Variants in GET4 observed in about 807,000 individuals in gnomAD.
The protein encoded by GET4 is Golgi to ER traffic protein 4 homolog.
In GET4, 20 loss-of-function variants were observed where a neutral mutation model predicts 40.0. The observed-to-expected ratio is 0.50, with a 90% CI of 0.35 to 0.73. GET4 has a LOEUF of 0.73. Among genes scored for constraint, GET4 ranks in the 30% least tolerant of loss-of-function variants. GET4 has a pLI of 0.01. For synonymous variants in GET4, 280 were observed against 194.6 expected (o/e 1.44, Z -3.65); for missense variants, 557 against 454.0 (o/e 1.23, Z -2.06).
chr7:876,977 C>A (rs1168638752), intron 1 of GET4, among the ~76,000 whole-genome samples, 177 bp downstream of exon 1: 2 of 151,778 alleles, frequency 1.3e-5, no homozygotes, highest in Non-Finnish European at 2.9e-5. Context: ...CGGGGTCTGG[C>A]CCTGTGTGGC....
rs768512126 is a variant in GET4, at chr7:876,737, G to A, written c.92G>A (p.Arg31His). Residue 31 changes from arginine to histidine, a missense_variant, in exon 1 of 9, where the codon CGC becomes CAC. Arg to His is a conservative substitution (Grantham distance 29, BLOSUM62 0). Coordinates refer to ENST00000265857, the MANE Select transcript of GET4 (RefSeq NM_015949.3). The stretch of plus-strand genomic sequence containing the variant: ...GTCCAGCGTGTGGAGGGCAAGCTGC[G>A]CGCCAGCGTCGAGAAGGGCGACTAC... Reference protein sequence around the residue: ...GGVQRVEGKLRASVEKGDYYE... With the variant: ...GGVQRVEGKLHASVEKGDYYE... 3 of 1,376,050 alleles carry A rather than the reference G, an allele frequency of 2.2e-6. No individual in the cohort carries two copies. Among genetic ancestry groups the A allele is most frequent in the Non-Finnish European group, 2.9e-6 (3 of 1,049,800 alleles). The allele number at this position is 1,376,050 out of a possible 1,614,324, so 85.2% of individuals were successfully genotyped here.
chr7:895,190 C>T (rs1448926465), intron 8 of GET4, 144 bp from the exon 9 acceptor site: 7 of 488,374 alleles, frequency 1.4e-5, no homozygotes, highest in African/African-American at 4.0e-5. Context: ...CCCGGGGTTC[C>T]TGGGTCGTAG....
At chr7:877,305 C>T (rs1843979210) in intron 1 of GET4, among the ~76,000 whole-genome samples, 1 of 145,208 alleles carries the variant, frequency 6.9e-6, no homozygotes, top group African/African-American at 2.6e-5. Context: ...TCCTTGCCCC[C>T]CGCCTCGCTC....
chr7:893,475 T>C (rs1346934384), intron 6 of GET4, among the ~76,000 whole-genome samples: 3 of 138,156 alleles, frequency 2.2e-5, no homozygotes, highest in African/African-American at 5.5e-5. Flanking sequence ...GGCGCGGTGG[T>C]TTGTGCAGGT....
chr7:891,172 C>CTT (rs1176000254), intron 5 of GET4, 106 bp downstream of exon 5: 7 of 849,492 alleles, frequency 8.2e-6, no homozygotes, highest in Non-Finnish European at 1.3e-5. Flanking sequence ...GCAGGATAAA[C>CTT]TGAGTTCACT....
intron 8 of GET4, 132 bp downstream of exon 8, chr7:894,103 T>C (rs977916808): frequency 1.7e-6 from 1 of 588,932 alleles, no homozygotes; most frequent in African/African-American, 1.9e-5. Context: ...TTTCTCAGTT[T>C]ACTTTTGTTA....
intron 6 of GET4, 53 bp downstream of exon 6, chr7:892,471 G>A (rs934282434): frequency 7.0e-6 from 11 of 1,565,008 alleles, no homozygotes; most frequent in Non-Finnish European, 9.6e-6. Flanking sequence ...CGGGTTGTGT[G>A]TAGACGTGGT....
At chr7:887,074 G>T in intron 3 of GET4, 2 of 617,378 alleles carry the variant, frequency 3.2e-6, no homozygotes, top group Non-Finnish European at 6.2e-6. Context: ...CCGGGCCAGA[G>T]CCAGGTACCC....
At position 886,593 on chromosome 7, in the gene GET4, A is replaced by G. The variant is rs1391871341; in HGVS notation, c.259A>G (p.Met87Val). Residue 87 changes from methionine (M) to valine (V), a missense_variant, in exon 3 of 9, where the codon ATG becomes GTG. Met to Val is a conservative substitution (Grantham distance 21). Coordinates refer to ENST00000265857, the MANE Select transcript of GET4 (RefSeq NM_015949.3). ...GCAAAACAGTGCAGCAGACTTGTCC[A>G]TGCTGGTCCTGGAGTCCCTGGAGAA... ...GQQNSAADLSMLVLESLEKAE... is the reference protein window; with the variant it reads ...GQQNSAADLSVLVLESLEKAE... 1.9e-6 allele frequency: 3 copies of G among 1,613,096 alleles called. No homozygotes were observed. The highest frequency in any genetic ancestry group is 2.5e-6 in the Non-Finnish European group (3 of 1,179,552).
rs1844306208 is a variant in GET4, at chr7:890,871, C to G, written c.467-57C>G. The G allele has an allele frequency of 4.4e-6, 6 of 1,367,262 alleles. No homozygotes were observed. In the East Asian group the frequency reaches 1.1e-4, roughly 26 times the overall value. 84.7% of individuals were successfully genotyped at this position (1,367,262 alleles called of 1,614,324 possible). On this transcript the variant is annotated intron_variant, in intron 4 of 8. Coordinates refer to ENST00000265857, the MANE Select transcript of GET4 (RefSeq NM_015949.3). ...TAACATGGAGTGTCTTTCCCCCTTTCCTTTTCTGTGTTATATTCGTGAAAT... is the reference window on the plus strand; with the variant it reads ...TAACATGGAGTGTCTTTCCCCCTTTGCTTTTCTGTGTTATATTCGTGAAAT...
At chr7:879,426 C>G (rs111390435) in intron 1 of GET4, among the ~76,000 whole-genome samples, 192 of 152,330 alleles carry the variant, frequency 1.3e-3, no homozygotes, top group Non-Finnish European at 2.2e-3. Context: ...CGGTAGTTGT[C>G]AATCTTAGCT....
At chr7:890,359 C>A (rs10237137) in intron 4 of GET4, among the ~76,000 whole-genome samples, 3 of 21,636 alleles carry the variant, frequency 1.4e-4, no homozygotes, top group Non-Finnish European at 1.7e-4. Flanking sequence ...GGAGGGAGTG[C>A]GAGCGGGTGT....
intron 8 of GET4, among the ~76,000 whole-genome samples, chr7:894,826 C>T (rs1480605737): frequency 1.3e-5 from 2 of 152,314 alleles, no homozygotes; most frequent in African/African-American, 4.8e-5. Context: ...TTTGTACGTA[C>T]AGAGTAGTTG....
In GET4 at chr7:892,321, A is replaced by G. The variant is rs1583100446; in HGVS notation, c.649A>G (p.Thr217Ala). The G allele has an allele frequency of 6.3e-7, 1 of 1,595,060 alleles. No individual in the cohort carries two copies. Among genetic ancestry groups the G allele is most frequent in the East Asian group, 2.3e-5 (1 of 44,232 alleles). ...KNKSSASVVF[T>A]TYTQKHPSIE... ...CAAAAGTAGCGCATCGGTGGTCTTC[A>G]CGACGTACACCCAGAAGCACCCGTC... Residue 217 changes from threonine (T) to alanine (A), a missense_variant, in exon 6 of 9, where the codon ACG (threonine) becomes GCG (alanine). Coordinates refer to ENST00000265857, the MANE Select transcript of GET4 (RefSeq NM_015949.3).
At position 895,450 on chromosome 7, in the gene GET4, G is replaced by A. The variant is rs188842926; in HGVS notation, c.*28G>A. 251 of 1,202,078 alleles carry A rather than the reference G, an allele frequency of 2.1e-4. No homozygotes were observed. In the East Asian group the frequency reaches 2.5e-3, roughly 12 times the overall value. 74.5% of individuals were successfully genotyped at this position (1,202,078 alleles called of 1,614,324 possible). A position where few individuals can be genotyped will look rare whatever the true frequency, so the allele number is the denominator to read the frequency against. On this transcript the variant is annotated 3_prime_UTR_variant, in exon 9 of 9. Transcript: ENST00000265857. ...TGGCCAGGCCACGTGGAGACACCACGGTCGACGACGGCTGGAGGGACGTTT... is the reference window on the plus strand; with the variant it reads ...TGGCCAGGCCACGTGGAGACACCACAGTCGACGACGGCTGGAGGGACGTTT...
chr7:891,138 C>T (rs947924434), intron 5 of GET4, 72 bp downstream of exon 5: 46 of 1,250,324 alleles, frequency 3.7e-5, no homozygotes, highest in Non-Finnish European at 4.8e-5. Context: ...AACAGGTCCC[C>T]TTGTCCCCTG....
In GET4 at chr7:876,746, T is replaced by C; in HGVS notation, c.101T>C (p.Val34Ala). Reference protein sequence around the residue: ...QRVEGKLRASVEKGDYYEAHQ... With the variant: ...QRVEGKLRASAEKGDYYEAHQ... ...GTGGAGGGCAAGCTGCGCGCCAGCG[T>C]CGAGAAGGGCGACTACTACGAGGCG... The change falls in exon 1 of 9, where the codon GTC (valine) becomes GCC (alanine). Residue 34 changes from valine to alanine, a missense_variant. Val to Ala is a moderately conservative substitution (Grantham distance 64). Coordinates refer to ENST00000265857, the MANE Select transcript of GET4 (RefSeq NM_015949.3). 1 of 1,373,900 alleles carries C rather than the reference T, an allele frequency of 7.3e-7. No homozygotes were observed. Among genetic ancestry groups the C allele is most frequent in the Non-Finnish European group, 9.5e-7 (1 of 1,049,524 alleles). The allele number at this position is 1,373,900 out of a possible 1,614,324, so 85.1% of individuals were successfully genotyped here.
At chr7:885,688 A>G (rs2128627675) in intron 1 of GET4, 1 of 189,002 alleles carries the variant, frequency 5.3e-6, no homozygotes, top group Non-Finnish European at 1.1e-5. Flanking sequence ...GCCTGTGGCC[A>G]CTCAGCTCTC....
intron 2 of GET4, 94 bp from the exon 3 acceptor site, chr7:886,475 A>G (rs921015569): frequency 6.7e-6 from 6 of 892,000 alleles, no homozygotes; most frequent in African/African-American, 3.3e-5. Flanking sequence ...CACCGGCCGC[A>G]CTCTGGCTTC....
Sources: allele counts gnomAD v4.1 joint callset (sites outside exome capture counted in the v4.1 genomes callset), GRCh38; gene constraint gnomAD v4.1.1; transcripts MANE v1.5; gene names NCBI Gene and HGNC (gene_info 2026-07-23, HGNC 2026-07-21).